Variants in RAI14 observed in about 807,000 individuals in gnomAD.
RAI14 encodes the protein retinoic acid induced 14.
In RAI14, 45 loss-of-function variants were observed where a neutral mutation model predicts 115.4. The observed-to-expected ratio is 0.39, with a 90% confidence interval of 0.31 to 0.50. The LOEUF (loss-of-function observed/expected upper bound fraction) is 0.50, where lower values mean the gene tolerates loss of function less well. Ranked by LOEUF, RAI14 falls within the 20% of genes least tolerant of loss-of-function variation. The pLI, the probability that RAI14 is intolerant of heterozygous loss-of-function variation, is 0.85. For synonymous variants in RAI14, 371 were observed against 415.4 expected, an observed-to-expected ratio of 0.89 and a Z score of 1.30; for missense variants, 939 against 1,131.2, an observed-to-expected ratio of 0.83 and a Z score of 2.44.
intron 7 of RAI14, among the ~76,000 whole-genome samples, chr5:34,809,969 A>G (rs886561478): frequency 6.6e-6 from 1 of 152,174 alleles, no homozygotes; most frequent in Non-Finnish European, 1.5e-5. Context: ...TGACATGCAT[A>G]CACTTATATT....
intron 1 of RAI14, among the ~76,000 whole-genome samples, chr5:34,680,086 T>C (rs1272258292): frequency 6.6e-6 from 1 of 152,206 alleles, no homozygotes; most frequent in Non-Finnish European, 1.5e-5. Flanking sequence ...GTCTGAGATG[T>C]AAATTTTCAA....
intron 2 of RAI14, chr5:34,733,110 T>A (rs1307559727): frequency 1.3e-5 from 2 of 152,160 alleles, no homozygotes; most frequent in Non-Finnish European, 2.9e-5. Flanking sequence ...TTTCCATGAT[T>A]TTTAGGAATG....
At chr5:34,664,586 G>T (rs1045226470) in intron 1 of RAI14, among the ~76,000 whole-genome samples, 55 of 151,818 alleles carry the variant, frequency 3.6e-4, no homozygotes, top group Admixed American at 1.3e-3. Context: ...GTTTTCTTAT[G>T]ATCTAGATAA....
At chr5:34,665,499 T>C (rs1316658369) in intron 1 of RAI14, among the ~76,000 whole-genome samples, 2 of 150,762 alleles carry the variant, frequency 1.3e-5, no homozygotes, top group South Asian at 2.1e-4. Context: ...TTTTCTTTTT[T>C]TTTTTTTTTC....
At chr5:34,715,846 A>G (rs998554375) in intron 2 of RAI14, among the ~76,000 whole-genome samples, 2 of 152,186 alleles carry the variant, frequency 1.3e-5, no homozygotes, top group African/African-American at 4.8e-5. Context: ...CGAATGAATG[A>G]GTGAATGAGT....
At chr5:34,713,602 G>T (rs1034546511) in intron 2 of RAI14, among the ~76,000 whole-genome samples, 1 of 152,114 alleles carries the variant, frequency 6.6e-6, no homozygotes, top group Non-Finnish European at 1.5e-5. Context: ...GTCTCACTGT[G>T]TTACTCAAGC....
At chr5:34,657,838 G>T (rs1233323716) in intron 1 of RAI14, among the ~76,000 whole-genome samples, 2 of 152,236 alleles carry the variant, frequency 1.3e-5, no homozygotes, top group Non-Finnish European at 2.9e-5. Context: ...TCACAGGGAG[G>T]CTGGATTTTG....
intron 2 of RAI14, among the ~76,000 whole-genome samples, chr5:34,721,992 G>A (rs1470239753): frequency 2.6e-5 from 4 of 152,136 alleles, no homozygotes; most frequent in African/African-American, 4.8e-5. Flanking sequence ...TATTACAGGC[G>A]TGAGCCACTG....
At chr5:34,816,887 T>C (rs562498109) in intron 12 of RAI14, among the ~76,000 whole-genome samples, 2 of 96,464 alleles carry the variant, frequency 2.1e-5, no homozygotes, top group Non-Finnish European at 2.2e-5. Context: ...AGAGGTAGAG[T>C]ATAAGACTGT....
chr5:34,767,590 C>T (rs960968937), intron 3 of RAI14, among the ~76,000 whole-genome samples: 146 of 138,522 alleles, frequency 1.1e-3, no homozygotes, highest in Non-Finnish European at 2.0e-3. Flanking sequence ...CCACCGCCAC[C>T]GCCCCCACCA....
intron 3 of RAI14, among the ~76,000 whole-genome samples, chr5:34,782,374 G>A (rs906036887): frequency 6.6e-6 from 1 of 152,156 alleles, no homozygotes; most frequent in Non-Finnish European, 1.5e-5. Flanking sequence ...AGACTATACA[G>A]AGACAACACA....
chr5:34,675,761 GA>G lies in RAI14; in HGVS notation c.-48-11100del, dbSNP rs35198358. 2.9e-3 allele frequency among the ~76,000 whole-genome samples: 415 copies of G among 145,214 alleles called. 3 individuals are homozygous for G. The highest frequency in any genetic ancestry group is 9.9e-3 in the African/African-American group (386 of 39,160). ...GAAAGACTCTGTCTCTTAAAAAAAAGAAAAAAAAAAAGGAATGGAATCATAT... is the reference window on the plus strand; with the variant it reads ...GAAAGACTCTGTCTCTTAAAAAAAAGAAAAAAAAAAGGAATGGAATCATAT... On this transcript the variant is annotated intron_variant, in intron 1 of 17. Coordinates refer to ENST00000265109, the MANE Select transcript of RAI14 (RefSeq NM_015577.3).
At chr5:34,808,708 A>C in intron 7 of RAI14, 54 bp downstream of exon 7, 38 of 1,503,454 alleles carry the variant, frequency 2.5e-5, no homozygotes, top group Non-Finnish European at 3.1e-5. Flanking sequence ...TCTAGAGCTC[A>C]ATGGGATACC....
chr5:34,661,853 G>A (rs910635610), intron 1 of RAI14, among the ~76,000 whole-genome samples: 2 of 152,124 alleles, frequency 1.3e-5, no homozygotes, highest in Admixed American at 1.3e-4. Context: ...TCTTGAGATG[G>A]GATCTTGCTC....
intron 2 of RAI14, among the ~76,000 whole-genome samples, chr5:34,756,692 A>G (rs1747927513): frequency 6.6e-6 from 1 of 152,044 alleles, no homozygotes; most frequent in Non-Finnish European, 1.5e-5. Context: ...GCTGCCTTTC[A>G]TGTCTTTCTT....
intron 4 of RAI14, among the ~76,000 whole-genome samples, chr5:34,796,397 C>CAAA (rs373073743): frequency 4.8e-5 from 6 of 124,090 alleles, no homozygotes; most frequent in South Asian, 2.7e-4. Flanking sequence ...GACTCTGTCT[C>CAAA]AAAAAAAAAA....
chr5:34,782,446 G>A (rs1751779655), intron 3 of RAI14, among the ~76,000 whole-genome samples: 1 of 152,134 alleles, frequency 6.6e-6, no homozygotes, highest in South Asian at 2.1e-4. Context: ...GCATTTTAAT[G>A]GGTTACTAGC....
chr5:34,795,388 T>C (rs1186236370), intron 3 of RAI14, among the ~76,000 whole-genome samples: 1 of 152,242 alleles, frequency 6.6e-6, no homozygotes, highest in Non-Finnish European at 1.5e-5. Context: ...TGTAGTCAGA[T>C]GCTTGACCCA....
At chr5:34,754,118 A>G (rs1747560211) in intron 2 of RAI14, among the ~76,000 whole-genome samples, 1 of 151,836 alleles carries the variant, frequency 6.6e-6, no homozygotes, top group Non-Finnish European at 1.5e-5. Flanking sequence ...CACTGGATAG[A>G]ATAGTTTTAT....
Sources: allele counts gnomAD v4.1 joint callset (sites outside exome capture counted in the v4.1 genomes callset), GRCh38; gene constraint gnomAD v4.1.1; transcripts MANE v1.5; gene names NCBI Gene and HGNC (gene_info 2026-07-23, HGNC 2026-07-21).